Variants in MLH3 observed in about 807,000 individuals in gnomAD.
MLH3 encodes the protein DNA mismatch repair protein Mlh3.
A neutral mutation model predicts 122.2 loss-of-function variants in MLH3; 82 were observed. That is an observed-to-expected ratio of 0.67 (90% CI 0.56 to 0.81). MLH3 has a LOEUF of 0.81. Among genes scored for constraint, MLH3 ranks in the 30% least tolerant of loss-of-function variants. The pLI is 0.00. For synonymous variants in MLH3, 524 were observed against 599.5 expected (o/e 0.87, Z 1.84); for missense variants, 1,539 against 1,714.5 (o/e 0.90, Z 1.81).
intron 9 of MLH3, among the ~76,000 whole-genome samples, chr14:75,029,362 G>A (rs990842042): frequency 1.3e-5 from 2 of 152,052 alleles, no homozygotes; most frequent in Non-Finnish European, 2.9e-5. Context: ...GCATTTAAGT[G>A]TACCTGCGCA....
chr14:75,024,533 G>A (rs950175897), intron 9 of MLH3, among the ~76,000 whole-genome samples: 3 of 152,012 alleles, frequency 2.0e-5, no homozygotes, highest in African/African-American at 7.2e-5. Context: ...TTTTTGAGAC[G>A]TAGTCTCGTT....
intron 6 of MLH3, 27 bp downstream of exon 6, chr14:75,038,310 TTAA>T: frequency 6.7e-7 from 1 of 1,492,930 alleles, no homozygotes; most frequent in Non-Finnish European, 9.3e-7. Context: ...GACCAGCTGG[TTAA>T]TCATTCAGGC....
Position 75,018,809 on chromosome 14 carries a change from C to A in MLH3, c.4242+20G>T, listed in dbSNP as rs150282176. 1.7e-5 allele frequency: 27 copies of A among 1,613,556 alleles called. No homozygotes were observed. In the South Asian group the frequency reaches 3.0e-4, roughly 18 times the overall value. On this transcript the variant is annotated intron_variant, in intron 12 of 12. Coordinates refer to ENST00000355774, the MANE Select transcript of MLH3 (RefSeq NM_001040108.2). ...AAAATAAACTTTGCTCCCTCCTGCT[C>A]CTGTTAGTCATTAATGTACCTGTTT...
intron 12 of MLH3, among the ~76,000 whole-genome samples, chr14:75,018,350 T>C (rs1890038517): frequency 6.6e-6 from 1 of 152,184 alleles, no homozygotes; most frequent in Admixed American, 6.5e-5. Flanking sequence ...ATCCCCAAGC[T>C]TGGGTCCCTG....
chr14:75,017,963 T>G (rs890383372), intron 12 of MLH3, among the ~76,000 whole-genome samples: 1 of 123,286 alleles, frequency 8.1e-6, no homozygotes, highest in Non-Finnish European at 1.8e-5. Context: ...CTGACCAACA[T>G]GGAGAAACGC....
chr14:75,024,500 C>T (rs1028524253), intron 9 of MLH3, among the ~76,000 whole-genome samples: 4 of 150,036 alleles, frequency 2.7e-5, no homozygotes, highest in Non-Finnish European at 4.4e-5. Flanking sequence ...TGCACCTGGC[C>T]GTATTTATTT....
chr14:75,037,031 C>T (rs1891463953), intron 6 of MLH3, among the ~76,000 whole-genome samples: 1 of 149,730 alleles, frequency 6.7e-6, no homozygotes. Context: ...CCAAAAACAA[C>T]ATCAAAATAC....
chr14:75,043,631 A>C (rs1892018603), intron 2 of MLH3, among the ~76,000 whole-genome samples: 1 of 152,240 alleles, frequency 6.6e-6, no homozygotes, highest in Non-Finnish European at 1.5e-5. Context: ...TGTTGGACTA[A>C]ACCTGGAGAG....
intron 9 of MLH3, among the ~76,000 whole-genome samples, chr14:75,026,755 A>G (rs1255000910): frequency 6.6e-6 from 1 of 152,244 alleles, no homozygotes; most frequent in Non-Finnish European, 1.5e-5. Context: ...AGGGAAAATC[A>G]GATTACCTAC....
At chr14:75,032,047 C>T in intron 8 of MLH3, 21 bp downstream of exon 8, 1 of 1,322,484 alleles carries the variant, frequency 7.6e-7, no homozygotes. Context: ...ATCAACATCA[C>T]ATTCTCATGG....
At position 75,051,464 on chromosome 14, in the gene MLH3, C is replaced by T. The variant is rs1298533434; in HGVS notation, c.-148G>A. ...CTTGGATCTTGAGGCTCGTGCGTGC[C>T]CACGAGCATGCGCTTCGGAGGGGGC... On this transcript the variant is annotated 5_prime_UTR_variant, in exon 1 of 13. Transcript: ENST00000355774. 6.6e-6 allele frequency: 1 copy of T among 152,192 alleles called. No individual in the cohort carries two copies. The highest frequency in any genetic ancestry group is 1.5e-5 in the Non-Finnish European group (1 of 68,014). 9.4% of individuals were successfully genotyped at this position (152,192 alleles called of 1,614,324 possible).
intron 2 of MLH3, 32 bp from the exon 3 acceptor site, chr14:75,042,509 G>C: frequency 6.5e-7 from 1 of 1,527,530 alleles, no homozygotes; most frequent in Non-Finnish European, 9.1e-7. Context: ...CTAGAAATGT[G>C]AACTTAAAAT....
At chr14:75,027,664 TAAAAAAAAAAAA>T (rs56986784) in intron 9 of MLH3, among the ~76,000 whole-genome samples, 2 of 30,900 alleles carry the variant, frequency 6.5e-5, no homozygotes, top group Non-Finnish European at 1.2e-4. Flanking sequence ...TTTACTTCAG[TAAAAAAAAAAAA>T]AAAAAAAAAA....
In MLH3 at chr14:75,015,742, G is replaced by T. The variant is rs200924220; in HGVS notation, c.*1340C>A. ...AGGATCCCCTTGAAAACAAGTGAAG[G>T]TTTTCTCTGAACCTTCTCTGGGGCA... is the stretch of plus-strand genomic sequence containing the variant. On this transcript the variant is annotated 3_prime_UTR_variant, in exon 13 of 13. Coordinates refer to ENST00000355774, the MANE Select transcript of MLH3 (RefSeq NM_001040108.2). 8.4e-6 allele frequency: 1 copy of T among 118,424 alleles called. No individual in the cohort carries two copies. Among genetic ancestry groups the T allele is most frequent in the Non-Finnish European group, 1.6e-5 (1 of 60,612 alleles). The allele number at this position is 118,424 out of a possible 1,614,324, so 7.3% of individuals were successfully genotyped here.
At chr14:75,017,816 G>A (rs1038440437) in intron 12 of MLH3, among the ~76,000 whole-genome samples, 3 of 152,116 alleles carry the variant, frequency 2.0e-5, no homozygotes, top group African/African-American at 7.2e-5. Context: ...TGCAAGAAAA[G>A]ATTTTATATC....
At chr14:75,042,610 G>A in intron 2 of MLH3, 133 bp from the exon 3 acceptor site, 2 of 685,356 alleles carry the variant, frequency 2.9e-6, no homozygotes, top group East Asian at 2.7e-5. Context: ...ACACTAGATT[G>A]AGAATCAGAA....
chr14:75,024,655 G>A (rs1318306285), intron 9 of MLH3, among the ~76,000 whole-genome samples: 1 of 152,212 alleles, frequency 6.6e-6, no homozygotes, highest in East Asian at 1.9e-4. Flanking sequence ...TCTTTCAACT[G>A]CTAGGATTCA....
At chr14:75,020,197 A>G (rs1890183394) in intron 11 of MLH3, among the ~76,000 whole-genome samples, 1 of 152,224 alleles carries the variant, frequency 6.6e-6, no homozygotes, top group Admixed American at 6.5e-5. Context: ...TGTAAAGAAC[A>G]AGGTGGAGAG....
chr14:75,032,237 TA>T, intron 7 of MLH3, 58 bp from the exon 8 acceptor site: 1 of 1,004,716 alleles, frequency 1.0e-6, no homozygotes. Context: ...TAGATTCAGA[TA>T]AAAATAAAGC....
Sources: gnomAD v4.1 joint callset for allele counts (sites outside exome capture counted in the v4.1 genomes callset) on GRCh38, gnomAD v4.1.1 for gene constraint, MANE v1.5 for transcripts, NCBI Gene and HGNC (gene_info 2026-07-23, HGNC 2026-07-21) for gene names.